LRP1B: variants seen among roughly 807,000 people sequenced by gnomAD.
The protein encoded by LRP1B is LDL receptor related protein 1B.
LRP1B carries 217 observed loss-of-function variants against 556.6 expected under a neutral mutation model. The observed-to-expected ratio is 0.39, with a 90% CI of 0.35 to 0.44. The LOEUF (loss-of-function observed/expected upper bound fraction) is 0.44. Ranked by LOEUF, LRP1B falls within the 20% of genes least tolerant of loss-of-function variation. The pLI is 1.00. For missense variants in LRP1B, 5,053 were observed against 5,620.8 expected, an observed-to-expected ratio of 0.90 and a Z score of 3.23; for synonymous variants, 2,047 against 1,865.8, an observed-to-expected ratio of 1.10 and a Z score of -2.50.
At chr2:141,465,989 A>G (rs59001301) in intron 3 of LRP1B, among the ~76,000 whole-genome samples, 58,375 of 151,916 alleles carry the variant, frequency 0.38, 11,430 homozygotes, top group Non-Finnish European at 0.42. Flanking sequence ...CCCAGGTTCA[A>G]GAGATTCTTC....
chr2:140,899,430 G>A (rs1005868849), intron 23 of LRP1B, among the ~76,000 whole-genome samples: 4 of 152,136 alleles, frequency 2.6e-5, no homozygotes, highest in African/African-American at 7.2e-5. Context: ...TTTATGGTGA[G>A]GGAGTGCTGC....
chr2:140,619,813 A>G (rs1037431034), intron 41 of LRP1B, among the ~76,000 whole-genome samples: 2 of 152,194 alleles, frequency 1.3e-5, no homozygotes, highest in African/African-American at 4.8e-5. Context: ...GAAGCTTCAC[A>G]CAGAAAATGA....
intron 2 of LRP1B, among the ~76,000 whole-genome samples, chr2:141,529,937 C>A (rs1359928700): frequency 6.6e-6 from 1 of 152,112 alleles, no homozygotes; most frequent in African/African-American, 2.4e-5. Flanking sequence ...TTCAAAACTA[C>A]TGCATAAGAT....
intron 2 of LRP1B, among the ~76,000 whole-genome samples, chr2:141,798,445 C>T (rs190407532): frequency 7.6e-4 from 116 of 152,122 alleles, no homozygotes; most frequent in African/African-American, 2.6e-3. Context: ...CGGTGGCTCA[C>T]GCCTATAATC....
chr2:141,599,769 AAAC>A (rs1309650433), intron 2 of LRP1B, among the ~76,000 whole-genome samples: 1 of 135,590 alleles, frequency 7.4e-6, no homozygotes, highest in Non-Finnish European at 1.7e-5. Context: ...GTTTTCTCAA[AAAC>A]AACTAAGAAA....
chr2:140,982,239 A>G lies in LRP1B; in HGVS notation c.2808T>C (p.Asn936=), dbSNP rs1179032002. The part of the protein sequence containing the change: ...TCQVDQFSCG[N]GRCIPRAWLC... ...GCCATGCTCTGGGAATGCAACGCCCATTTCCGCAAGAAAACTGGTCTACCT... is the reference window on the plus strand; with the variant it reads ...GCCATGCTCTGGGAATGCAACGCCCGTTTCCGCAAGAAAACTGGTCTACCT... The change falls in exon 18 of 91, where the codon AAT becomes AAC. Residue 936 remains asparagine, a synonymous_variant. Coordinates refer to ENST00000389484, the MANE Select transcript of LRP1B (RefSeq NM_018557.3). 1.9e-6 allele frequency: 3 copies of G among 1,613,258 alleles called. No homozygotes were observed. Among genetic ancestry groups the G allele is most frequent in the Non-Finnish European group, 2.5e-6 (3 of 1,179,572 alleles).
intron 3 of LRP1B, among the ~76,000 whole-genome samples, chr2:141,467,091 C>CAA (rs1553518517): frequency 9.2e-6 from 1 of 108,268 alleles, no homozygotes; most frequent in African/African-American, 3.6e-5. Context: ...CACACACACA[C>CAA]ATATATATGT....
chr2:141,330,881 T>G (rs939067520), intron 3 of LRP1B, among the ~76,000 whole-genome samples: 2 of 151,904 alleles, frequency 1.3e-5, no homozygotes, highest in African/African-American at 4.8e-5. Flanking sequence ...GTCTCCCAAG[T>G]AGCTGGGACT....
chr2:140,844,226 TA>T (rs1446061828), intron 29 of LRP1B, among the ~76,000 whole-genome samples: 1 of 152,030 alleles, frequency 6.6e-6, no homozygotes, highest in Non-Finnish European at 1.5e-5. Flanking sequence ...CACGCCCAGC[TA>T]ATTTTTTTGT....
intron 1 of LRP1B, 109 bp from the exon 2 acceptor site, chr2:141,810,510 T>A (rs2105708366): frequency 8.8e-7 from 1 of 1,132,154 alleles, no homozygotes; most frequent in Non-Finnish European, 1.3e-6. Flanking sequence ...TACATGAATA[T>A]GATCCACATT....
intron 6 of LRP1B, among the ~76,000 whole-genome samples, chr2:141,205,719 T>C (rs914725452): frequency 7.9e-5 from 12 of 152,122 alleles, no homozygotes; most frequent in Admixed American, 3.3e-4. Context: ...TTGCATCTGA[T>C]AGAGAAAAGC....
At chr2:141,485,210 T>C (rs1355919318) in intron 2 of LRP1B, among the ~76,000 whole-genome samples, 1 of 152,166 alleles carries the variant, frequency 6.6e-6, no homozygotes, top group Non-Finnish European at 1.5e-5. Flanking sequence ...TCATCTTTGA[T>C]ATACTCTTGT....
chr2:141,255,054 T>A (rs1558962937), intron 3 of LRP1B, among the ~76,000 whole-genome samples: 1 of 152,090 alleles, frequency 6.6e-6, no homozygotes, highest in Non-Finnish European at 1.5e-5. Context: ...GCAATCAATG[T>A]GAATATATCT....
chr2:140,678,123 A>G (rs910700087), intron 41 of LRP1B, among the ~76,000 whole-genome samples: 2 of 152,150 alleles, frequency 1.3e-5, no homozygotes, highest in South Asian at 2.1e-4. Flanking sequence ...TGATACTCCA[A>G]TGAACCCAAT....
intron 6 of LRP1B, among the ~76,000 whole-genome samples, chr2:141,220,202 C>A (rs1284532545): frequency 6.6e-6 from 1 of 152,020 alleles, no homozygotes; most frequent in Non-Finnish European, 1.5e-5. Flanking sequence ...GAGATGTTAA[C>A]CAGAATAACC....
intron 41 of LRP1B, among the ~76,000 whole-genome samples, chr2:140,626,989 A>G (rs12470261): frequency 0.23 from 34,835 of 152,096 alleles, 4,322 homozygotes; most frequent in Admixed American, 0.3. Context: ...CAAGGGCTCA[A>G]TGAATACTAT....
chr2:141,281,530 T>C (rs992472128), intron 3 of LRP1B, among the ~76,000 whole-genome samples: 1 of 152,144 alleles, frequency 6.6e-6, no homozygotes, highest in South Asian at 2.1e-4. Context: ...TAATGAAATA[T>C]TAAAAGATGT....
chr2:141,332,024 G>T (rs1687674650), intron 3 of LRP1B, among the ~76,000 whole-genome samples: 1 of 152,000 alleles, frequency 6.6e-6, no homozygotes, highest in Non-Finnish European at 1.5e-5. Context: ...AAGCTACTCA[G>T]ATCTACTTGT....
intron 7 of LRP1B, among the ~76,000 whole-genome samples, chr2:141,129,403 T>G (rs1701294521): frequency 6.6e-6 from 1 of 152,116 alleles, no homozygotes; most frequent in Non-Finnish European, 1.5e-5. Context: ...TATAAAAATC[T>G]TTTGAAAAGT....
Sources: allele counts gnomAD v4.1 joint callset (sites outside exome capture counted in the v4.1 genomes callset), GRCh38; gene constraint gnomAD v4.1.1; transcripts MANE v1.5; gene names NCBI Gene and HGNC (gene_info 2026-07-23, HGNC 2026-07-21).